Variants in ANKRD28 observed in about 807,000 individuals in gnomAD.
The protein encoded by ANKRD28 is ankyrin repeat domain 28, also known as serine/threonine-protein phosphatase 6 regulatory ankyrin repeat subunit A.
ANKRD28 carries 44 observed loss-of-function variants against 126.5 expected under a neutral mutation model. The observed-to-expected ratio is 0.35, with a 90% CI of 0.27 to 0.45. The LOEUF is 0.45. Among genes scored for constraint, ANKRD28 ranks in the 20% least tolerant of loss-of-function variants. The probability of loss-of-function intolerance (pLI) is 1.00; values close to 1 mark genes in which losing one functional copy is unlikely to be tolerated. For synonymous variants in ANKRD28, 442 were observed against 468.5 expected, an observed-to-expected ratio of 0.94 and a Z score of 0.73; for missense variants, 1,110 against 1,316.6, an observed-to-expected ratio of 0.84 and a Z score of 2.43.
chr3:15,847,418 A>G (rs2125985608), intron 1 of ANKRD28, among the ~76,000 whole-genome samples: 1 of 152,226 alleles, frequency 6.6e-6, no homozygotes, highest in East Asian at 1.9e-4. Context: ...CTGGGCCATG[A>G]GCTTTTTCTC....
chr3:15,749,778 G>C (rs775596315), intron 4 of ANKRD28, among the ~76,000 whole-genome samples: 1 of 152,194 alleles, frequency 6.6e-6, no homozygotes, highest in Non-Finnish European at 1.5e-5. Context: ...TCTGGGTCTA[G>C]TAACCCAGTG....
chr3:15,846,861 G>A lies in ANKRD28; in HGVS notation c.27+12516C>T, dbSNP rs1228556238. On this transcript the variant is annotated intron_variant, in intron 1 of 27. Transcript: ENST00000399451. This position sits in a 1 kb window ranked among gnomAD's most constrained non-coding sequence, Gnocchi z 5.4. Reference sequence around the variant, plus strand: ...GGAAAAGAAAGACAATCTTTCAAGGGAGGTTTCTATTTGCCAGGACTAAAG... The same window carrying A: ...GGAAAAGAAAGACAATCTTTCAAGGAAGGTTTCTATTTGCCAGGACTAAAG... Among the ~76,000 whole-genome samples, 3 of 152,168 alleles carry A rather than the reference G, an allele frequency of 2.0e-5. No individual in the cohort carries two copies. The highest frequency in any genetic ancestry group is 4.4e-5 in the Non-Finnish European group (3 of 68,036).
intron 4 of ANKRD28, among the ~76,000 whole-genome samples, chr3:15,745,449 A>G (rs1242862220): frequency 6.6e-6 from 1 of 152,192 alleles, no homozygotes; most frequent in African/African-American, 2.4e-5. Context: ...CAATTATCCC[A>G]GCCTCATTTG....
chr3:15,749,394 G>C (rs1214318203), intron 4 of ANKRD28, among the ~76,000 whole-genome samples: 1 of 151,574 alleles, frequency 6.6e-6, no homozygotes, highest in Non-Finnish European at 1.5e-5. Context: ...TTACAGGCGT[G>C]AGCCACCGCG....
At position 15,737,126 on chromosome 3, in the gene ANKRD28, A is replaced by G; in HGVS notation, c.459T>C (p.Ala153=). The G allele has an allele frequency of 6.2e-7, 1 of 1,614,030 alleles. No homozygotes were observed. Among genetic ancestry groups the G allele is most frequent in the East Asian group, 2.2e-5 (1 of 44,882 alleles). The part of the protein sequence containing the change: ...IAAANKAVKC[A]EALVPLLSNV... ...TACTCAGAAGAGGTACCAAAGCTTC[A>G]GCACACTTTACAGCTTTATTAGCAG... Residue 153 remains alanine, a synonymous_variant, in exon 5 of 28, where the codon GCT becomes GCC. Coordinates refer to ENST00000683139, the MANE Select transcript of ANKRD28 (RefSeq NM_001349278.2).
At position 15,804,891 on chromosome 3, in the gene ANKRD28, T is replaced by C. The variant is rs142128509; in HGVS notation, c.28-9585A>G. ...GAAATAGAAGGATCACCTAGCCAAATGGTATGTGCCTCAAAGGAAGGAAGG... is the reference window on the plus strand; with the variant it reads ...GAAATAGAAGGATCACCTAGCCAAACGGTATGTGCCTCAAAGGAAGGAAGG... On this transcript the variant is annotated intron_variant, in intron 1 of 27. Transcript: ENST00000399451. Among the ~76,000 whole-genome samples the C allele has an allele frequency of 1.4e-3, 203 of 145,316 alleles. 26 individuals carry two copies. Among genetic ancestry groups the C allele is most frequent in the African/African-American group, 4.9e-3 (192 of 38,906 alleles).
intron 4 of ANKRD28, among the ~76,000 whole-genome samples, chr3:15,740,492 T>C (rs1225409779): frequency 6.6e-6 from 1 of 152,208 alleles, no homozygotes; most frequent in African/African-American, 2.4e-5. Flanking sequence ...AACAGTACAT[T>C]GTGACTTGGG....
intron 10 of ANKRD28, 76 bp from the exon 11 acceptor site, chr3:15,712,298 G>A: frequency 1.7e-6 from 2 of 1,182,502 alleles, no homozygotes; most frequent in Non-Finnish European, 2.4e-6. Context: ...ATTACAAAGA[G>A]ACCACTTAAG....
Position 15,678,304 on chromosome 3 carries a change from A to C in ANKRD28, c.2612T>G (p.Leu871Arg). The change falls in exon 24 of 28, where the codon CTG (leucine) becomes CGG (arginine). Residue 871 changes from leucine to arginine, a missense_variant. Leu to Arg is a moderately radical substitution (Grantham distance 102, BLOSUM62 -2). Transcript: ENST00000683139. ...GACTTGAGCATTATGGCTGAGCAGC[A>C]GCTGTAAACACTCTACATGGTCTGT... ...AFTDHVECLQ[L>R]LLSHNAQVNS... The C allele has an allele frequency of 6.2e-7, 1 of 1,613,004 alleles. No individual in the cohort carries two copies. The highest frequency in any genetic ancestry group is 1.3e-5 in the African/African-American group (1 of 75,046).
rs1464770240 is a variant in ANKRD28 at position 15,837,081 on chromosome 3, C to A, written c.27+22296G>T. ...CACCACTGCACTCCAGCCTGGGCAA[C>A]AGAGCAAGACTCCGTCTCAAAAAAA... On this transcript the variant is annotated intron_variant, in intron 1 of 27. Transcript: ENST00000399451. Among the ~76,000 whole-genome samples, 3 of 130,850 alleles carry A rather than the reference C, an allele frequency of 2.3e-5. No homozygotes were observed. In the Admixed American group the frequency reaches 2.8e-4, roughly 12 times the overall value. The allele number at this position is 130,850 out of a possible 152,430, so 85.8% of individuals were successfully genotyped here.
At chr3:15,705,958 A>C (rs1385736663) in intron 14 of ANKRD28, among the ~76,000 whole-genome samples, 1 of 152,152 alleles carries the variant, frequency 6.6e-6, no homozygotes, top group Admixed American at 6.5e-5. Flanking sequence ...CTGAGACTGC[A>C]GCACTGCACT....
chr3:15,686,527 CCGCCTACCCAGCA>C, intron 18 of ANKRD28: 1 of 559,822 alleles, frequency 1.8e-6, no homozygotes, highest in Non-Finnish European at 3.2e-6. Context: ...GACAGGCAGA[CCGCCTACCCAGCA>C]CCCATGCCCT....
Position 15,679,462 on chromosome 3 carries a change from C to T in ANKRD28, c.2477+14G>A, listed in dbSNP as rs746698892. 1.9e-5 allele frequency: 31 copies of T among 1,613,732 alleles called. 1 individual carries two copies. In the South Asian group the frequency reaches 3.3e-4, roughly 17 times the overall value. On this transcript the variant is annotated intron_variant, in intron 22 of 27. Coordinates refer to ENST00000683139, the MANE Select transcript of ANKRD28 (RefSeq NM_001349278.2). ...ACACTCAAACCAAATCTGATTCATT[C>T]TGGCTTTACTTACACGGCACAATGC...
intron 2 of ANKRD28, among the ~76,000 whole-genome samples, chr3:15,772,915 A>C (rs1273549055): frequency 2.6e-5 from 4 of 152,172 alleles, no homozygotes; most frequent in Non-Finnish European, 4.4e-5. Flanking sequence ...GATAAAGGGT[A>C]CAACAAAAAT....
chr3:15,857,500 G>A (rs1299931792), intron 1 of ANKRD28, among the ~76,000 whole-genome samples: 2 of 152,190 alleles, frequency 1.3e-5, no homozygotes, highest in African/African-American at 4.8e-5. Flanking sequence ...GGCCAGGCTG[G>A]TCTTGAACTC....
chr3:15,700,827 A>AG (rs573742688), intron 14 of ANKRD28, among the ~76,000 whole-genome samples: 97 of 152,290 alleles, frequency 6.4e-4, no homozygotes, highest in African/African-American at 2.2e-3. Flanking sequence ...TTATTACAGC[A>AG]GAAAAAAAAA....
At chr3:15,731,000 G>C (rs888718019) in intron 6 of ANKRD28, among the ~76,000 whole-genome samples, 3 of 152,196 alleles carry the variant, frequency 2.0e-5, no homozygotes, top group African/African-American at 7.2e-5. Context: ...GCCCTCACTA[G>C]ATGCTAGTGC....
chr3:15,789,129 G>A (rs1004044188), intron 2 of ANKRD28, among the ~76,000 whole-genome samples: 1 of 152,004 alleles, frequency 6.6e-6, no homozygotes, highest in African/African-American at 2.4e-5. Context: ...CCAAAATTTT[G>A]CTATTTCAAC....
chr3:15,788,926 G>C (rs1416605831), intron 2 of ANKRD28, among the ~76,000 whole-genome samples: 2 of 152,114 alleles, frequency 1.3e-5, no homozygotes, highest in Non-Finnish European at 2.9e-5. Flanking sequence ...AGAAGAGTGA[G>C]GGCTGAAGTT....
Sources: allele counts gnomAD v4.1 joint callset (sites outside exome capture counted in the v4.1 genomes callset), GRCh38; gene constraint gnomAD v4.1.1; non-coding constraint Gnocchi (gnomAD v3.1); transcripts MANE v1.5; gene names NCBI Gene and HGNC (gene_info 2026-07-23, HGNC 2026-07-21).